The following CLCN2 variants were observed in gnomAD, a reference collection of about 807,000 sequenced individuals.
CLCN2 encodes the protein chloride channel protein 2.
Under a neutral mutation model 108.3 loss-of-function variants are expected in CLCN2, and 72 were observed. The ratio of observed to expected loss-of-function variants is 0.66; its 90% CI spans 0.55 to 0.81. The LOEUF (loss-of-function observed/expected upper bound fraction) is 0.81. Ranked by LOEUF, CLCN2 falls within the 30% of genes least tolerant of loss-of-function variation. CLCN2 has a pLI of 0.00. For synonymous variants in CLCN2, 471 were observed against 467.1 expected, an observed-to-expected ratio of 1.01 and a Z score of -0.11; for missense variants, 1,048 against 1,205.2, an observed-to-expected ratio of 0.87 and a Z score of 1.93.
chr3:184,358,586 C>T, intron 3 of CLCN2, 96 bp downstream of exon 3: 1 of 1,504,444 alleles, frequency 6.6e-7, no homozygotes, highest in Non-Finnish European at 9.0e-7. Context: ...GGTCAGTGGC[C>T]AAGAAGCCAA....
In CLCN2 at chr3:184,357,169, C is replaced by G; in HGVS notation, c.983+13G>C. The stretch of plus-strand genomic sequence containing the variant: ...CCTCCTCTCTGATACCCCCAGCCCC[C>G]TCAGCTCCTCACCCAATGACAGCAA... On this transcript the variant is annotated intron_variant, in intron 9 of 23. Transcript: ENST00000265593. 1 of 1,613,608 alleles carries G rather than the reference C, an allele frequency of 6.2e-7. No homozygotes were observed. Among genetic ancestry groups the G allele is most frequent in the Non-Finnish European group, 8.5e-7 (1 of 1,179,704 alleles).
rs1327085033 is a variant in CLCN2, at chr3:184,358,720, C to T, written c.314G>A (p.Ser105Asn). 1.9e-6 allele frequency: 3 copies of T among 1,591,428 alleles called. No individual in the cohort carries two copies. In the African/African-American group the frequency reaches 4.0e-5, roughly 21 times the overall value. The change falls in exon 3 of 24, where the codon AGC becomes AAC. Residue 105 changes from serine (S) to asparagine (N), a missense_variant. Physicochemically the swap from Ser to Asn is conservative, Grantham distance 46. Coordinates refer to ENST00000265593, the MANE Select transcript of CLCN2 (RefSeq NM_004366.6). ...AGCAATGGCATAGTCCATGACCCAGCTGACCAATGCCATGAGAAGCCCCAG... is the reference window on the plus strand; with the variant it reads ...AGCAATGGCATAGTCCATGACCCAGTTGACCAATGCCATGAGAAGCCCCAG... ...VLLGLLMALV[S>N]WVMDYAIAAC...
At chr3:184,354,843 G>A (rs916266541) in intron 13 of CLCN2, 61 bp downstream of exon 13, 20 of 1,533,840 alleles carry the variant, frequency 1.3e-5, no homozygotes, top group Non-Finnish European at 1.8e-5. Context: ...AGGGTTGGCT[G>A]GGGGGGTGGC....
intron 1 of CLCN2, 95 bp from the exon 2 acceptor site, chr3:184,359,226 C>A (rs1422913644): frequency 6.9e-7 from 1 of 1,443,118 alleles, no homozygotes; most frequent in South Asian, 1.1e-5. Context: ...TCTCCCAGCC[C>A]CCACACTGGA....
rs758953244 is a variant in CLCN2, at chr3:184,357,495, G to A, written c.773-8C>T. 2 of 1,614,170 alleles carry A rather than the reference G, an allele frequency of 1.2e-6. No individual in the cohort carries two copies. The highest frequency in any genetic ancestry group is 2.7e-5 in the African/African-American group (2 of 75,070). On this transcript the variant is annotated splice_region_variant and splice_polypyrimidine_tract_variant and intron_variant, in intron 7 of 23. Transcript: ENST00000265593. ...CGATGCTGAAGAGGACGCCTGTGAG[G>A]GGGAGGGAGACCAGCACTTGAGGCC...
chr3:184,350,640 T>C lies in CLCN2; in HGVS notation c.2415+1373A>G, dbSNP rs189081903. On this transcript the variant is annotated intron_variant, in intron 22 of 23. Transcript: ENST00000265593. The stretch of plus-strand genomic sequence containing the variant: ...TTAGTAGAGATGGAGTTTCACCATG[T>C]TGGCCAGGCTGGTCTCGAACTGCTG... 1.4e-4 allele frequency among the ~76,000 whole-genome samples: 22 copies of C among 152,244 alleles called. No individual in the cohort carries two copies. In the East Asian group the frequency reaches 3.9e-3, roughly 27 times the overall value.
chr3:184,354,939 A>G lies in CLCN2; in HGVS notation c.1361T>C (p.Val454Ala). 6.2e-7 allele frequency: 1 copy of G among 1,613,968 alleles called. No homozygotes were observed. The highest frequency in any genetic ancestry group is 1.1e-5 in the South Asian group (1 of 91,074). Residue 454 changes from valine to alanine, a missense_variant, in exon 13 of 24, where the codon GTT (valine) becomes GCT (alanine). Transcript: ENST00000265593. Reference sequence around the variant, plus strand: ...GACAGGCATGAAGGCCCCACAGGGAACTGGGATGGTGGTGGCCAGTGCAGA... The same window carrying G: ...GACAGGCATGAAGGCCCCACAGGGAGCTGGGATGGTGGTGGCCAGTGCAGA... Reference protein sequence around the residue: ...WMSALATTIPVPCGAFMPVFV... With the variant: ...WMSALATTIPAPCGAFMPVFV...
intron 14 of CLCN2, 36 bp downstream of exon 14, chr3:184,354,512 G>A (rs756037290): frequency 1.3e-6 from 2 of 1,546,408 alleles, no homozygotes; most frequent in Non-Finnish European, 8.9e-7. Context: ...GTGGGTGGGG[G>A]GGTCTCCCAA....
chr3:184,356,305 A>C, intron 10 of CLCN2: 1 of 191,878 alleles, frequency 5.2e-6, no homozygotes, highest in Non-Finnish European at 1.1e-5. Context: ...CCCACTCCCA[A>C]TCCTCAGGGT....
intron 8 of CLCN2, 24 bp from the exon 9 acceptor site, chr3:184,357,290 A>G (rs199829650): frequency 1.2e-6 from 2 of 1,613,954 alleles, no homozygotes; most frequent in East Asian, 2.2e-5. Flanking sequence ...CAGCAGAGGG[A>G]GGCAGGCCTA....
Position 184,353,379 on chromosome 3 carries a change from C to G in CLCN2, c.1899G>C (p.Val633=). The G allele has an allele frequency of 6.2e-7, 1 of 1,612,894 alleles. No homozygotes were observed. Among genetic ancestry groups the G allele is most frequent in the South Asian group, 1.1e-5 (1 of 91,080 alleles). Residue 633 remains valine, a synonymous_variant, in exon 17 of 24, where the codon GTG becomes GTC. Coordinates refer to ENST00000265593, the MANE Select transcript of CLCN2 (RefSeq NM_004366.6). ...GGCTCAGCTGGGCCCCCAACAATGC[C>G]ACCACCTGTGAACGCTCGATGGAGC... is the stretch of plus-strand genomic sequence containing the variant. The part of the protein sequence containing the change: ...LLGSIERSQV[V]ALLGAQLSPA...
chr3:184,354,540 G>A lies in CLCN2; in HGVS notation c.1507+8C>T, dbSNP rs1411613030. ...TCTCCCAAGGCCGATGGGACCTGAGGCACTCACCGACCACAGCGTAGCCCC... is the reference window on the plus strand; with the variant it reads ...TCTCCCAAGGCCGATGGGACCTGAGACACTCACCGACCACAGCGTAGCCCC... On this transcript the variant is annotated splice_region_variant and intron_variant, in intron 14 of 23. Coordinates refer to ENST00000265593, the MANE Select transcript of CLCN2 (RefSeq NM_004366.6). 3 of 1,609,022 alleles carry A rather than the reference G, an allele frequency of 1.9e-6. No homozygotes were observed. Among genetic ancestry groups the A allele is most frequent in the Non-Finnish European group, 2.6e-6 (3 of 1,176,334 alleles).
At chr3:184,356,132 TTCTGCCTCTCTTTGTC>T (rs1438984047) in intron 10 of CLCN2, 7 of 350,936 alleles carry the variant, frequency 2.0e-5, no homozygotes, top group African/African-American at 4.2e-5. Flanking sequence ...GTGGAGAAGT[TTCTGCCTCTCTTTGTC>T]TCTCTGCAGT....
At chr3:184,356,904 G>T in intron 10 of CLCN2, 89 bp downstream of exon 10, 1 of 896,360 alleles carries the variant, frequency 1.1e-6, no homozygotes, top group Non-Finnish European at 1.9e-6. Context: ...TGTTTTGACT[G>T]GGCCATTCTC....
At position 184,354,139 on chromosome 3, in the gene CLCN2, T is replaced by C; in HGVS notation, c.1683A>G (p.Lys561=). The change falls in exon 15 of 24, where the codon AAA becomes AAG. Residue 561 remains lysine, a synonymous_variant. Transcript: ENST00000265593. ...SLYDSIIRIK[K]LPYLPELGWG... is the part of the protein sequence containing the mutation. ...AGCCGAGCTCAGGCAGGTAGGGCAG[T>C]TTCTTGATTCGGATGATGCTGTCAT... is the stretch of plus-strand genomic sequence containing the variant. 2 of 1,612,340 alleles carry C rather than the reference T, an allele frequency of 1.2e-6. No individual in the cohort carries two copies. Among genetic ancestry groups the C allele is most frequent in the Non-Finnish European group, 1.7e-6 (2 of 1,179,732 alleles).
chr3:184,353,557 C>T lies in CLCN2; in HGVS notation c.1855+105G>A, dbSNP rs538117334. Reference sequence around the variant, plus strand: ...AAGCCCCCACCTGGCAAGTGCTGGTCCATTCCCTTTGGAACCAAGGAGACT... The same window carrying T: ...AAGCCCCCACCTGGCAAGTGCTGGTTCATTCCCTTTGGAACCAAGGAGACT... On this transcript the variant is annotated intron_variant, in intron 16 of 23. Transcript: ENST00000265593. The T allele has an allele frequency of 1.1e-5, 17 of 1,564,966 alleles. No individual in the cohort carries two copies. In the Admixed American group the frequency reaches 2.2e-4, roughly 20 times the overall value.
chr3:184,354,797 G>A (rs1404503722), intron 13 of CLCN2, 107 bp downstream of exon 13: 54 of 1,401,326 alleles, frequency 3.9e-5, no homozygotes, highest in South Asian at 4.6e-5. Flanking sequence ...GTCAGGGTTC[G>A]GGCTAGGGCT....
chr3:184,359,250 C>A (rs932919957), intron 1 of CLCN2, 119 bp from the exon 2 acceptor site: 3 of 1,251,790 alleles, frequency 2.4e-6, no homozygotes, highest in Non-Finnish European at 3.5e-6. Context: ...CCCTCTTGAA[C>A]GCACAGTTCC....
intron 3 of CLCN2, 128 bp downstream of exon 3, chr3:184,358,554 A>G: frequency 7.7e-7 from 1 of 1,304,268 alleles, no homozygotes. Context: ...GAATCTGGGC[A>G]GTCAGACTGG....
Sources: allele counts gnomAD v4.1 joint callset (sites outside exome capture counted in the v4.1 genomes callset), GRCh38; gene constraint gnomAD v4.1.1; transcripts MANE v1.5; gene names NCBI Gene and HGNC (gene_info 2026-07-23, HGNC 2026-07-21).